The following DOK6 variants were observed in gnomAD, a reference collection of about 807,000 sequenced individuals.
DOK6 encodes downstream of tyrosine kinase 6.
A neutral mutation model predicts 44.0 loss-of-function variants in DOK6; 22 were observed. The observed-to-expected ratio is 0.50, with a 90% CI of 0.36 to 0.71. The LOEUF (loss-of-function observed/expected upper bound fraction) is 0.71, where lower values mean the gene tolerates loss of function less well. Ranked by LOEUF, DOK6 falls within the 30% of genes least tolerant of loss-of-function variation. The pLI, the probability that DOK6 is intolerant of heterozygous loss-of-function variation, is 0.00. For synonymous variants in DOK6, 166 were observed against 145.5 expected (o/e 1.14, Z -1.01); for missense variants, 340 against 416.4 (o/e 0.82, Z 1.60).
intron 2 of DOK6, among the ~76,000 whole-genome samples, chr18:69,580,613 A>G (rs1404938622): frequency 6.6e-6 from 1 of 152,332 alleles, no homozygotes. Context: ...ACATGTGTAC[A>G]AAGTATAATG....
chr18:69,634,922 C>T (rs1379923502), intron 3 of DOK6, among the ~76,000 whole-genome samples: 1 of 152,104 alleles, frequency 6.6e-6, no homozygotes, highest in Non-Finnish European at 1.5e-5. Flanking sequence ...TAAACTCTTT[C>T]GACCTATGTG....
At chr18:69,700,541 A>AT (rs1451914952) in intron 5 of DOK6, among the ~76,000 whole-genome samples, 1 of 151,848 alleles carries the variant, frequency 6.6e-6, no homozygotes, top group Non-Finnish European at 1.5e-5. Flanking sequence ...TTTGGTATCT[A>AT]TTTTTTTCCC....
intron 2 of DOK6, among the ~76,000 whole-genome samples, chr18:69,594,105 G>A (rs148416288): frequency 5.3e-5 from 8 of 151,818 alleles, no homozygotes; most frequent in East Asian, 1.9e-4. Flanking sequence ...AATACAACCC[G>A]TGAATCACTC....
At chr18:69,658,897 A>G (rs1336600535) in intron 3 of DOK6, among the ~76,000 whole-genome samples, 2 of 152,192 alleles carry the variant, frequency 1.3e-5, no homozygotes, top group African/African-American at 4.8e-5. Flanking sequence ...TAATAATTAA[A>G]CACAATCCCT....
intron 1 of DOK6, among the ~76,000 whole-genome samples, chr18:69,417,628 A>G (rs1596222): frequency 0.054 from 8,149 of 152,194 alleles, 254 homozygotes; most frequent in Middle Eastern, 0.12. Flanking sequence ...CAAATTTTGA[A>G]GAACCTCCAT....
intron 5 of DOK6, among the ~76,000 whole-genome samples, chr18:69,725,979 G>T (rs1272361639): frequency 6.6e-6 from 1 of 152,098 alleles, no homozygotes; most frequent in African/African-American, 2.4e-5. Context: ...CTCGCTGGTG[G>T]TTACTCCTGT....
chr18:69,709,239 C>T (rs1366575174), intron 5 of DOK6, among the ~76,000 whole-genome samples: 3 of 152,060 alleles, frequency 2.0e-5, no homozygotes, highest in Admixed American at 6.5e-5. Flanking sequence ...ACTTGTGAGG[C>T]TTGAAATCTA....
chr18:69,490,204 AC>A (rs1428333278), intron 1 of DOK6, among the ~76,000 whole-genome samples: 1 of 152,040 alleles, frequency 6.6e-6, no homozygotes, highest in African/African-American at 2.4e-5. Flanking sequence ...ATTGATTCTG[AC>A]TTCTTCTCAG....
chr18:69,616,287 T>G (rs1184985113), intron 3 of DOK6, among the ~76,000 whole-genome samples: 1 of 152,272 alleles, frequency 6.6e-6, no homozygotes, highest in African/African-American at 2.4e-5. Flanking sequence ...CTGCTCTGCG[T>G]CGGTGTCCGT....
Position 69,546,694 on chromosome 18 carries a change from T to A in DOK6, c.67-17793T>A, listed in dbSNP as rs1431700134. Among the ~76,000 whole-genome samples the A allele has an allele frequency of 1.3e-5, 2 of 151,578 alleles. 1 individual carries two copies. Among genetic ancestry groups the A allele is most frequent in the Non-Finnish European group, 3.0e-5 (2 of 67,768 alleles). On this transcript the variant is annotated intron_variant, in intron 1 of 7. Transcript: ENST00000382713. The stretch of plus-strand genomic sequence containing the variant: ...TTTTATTGGTACATAATATTTTGCA[T>A]ATTCTTGGGGTACCTGTGATATTTT...
rs370176954 is a variant in DOK6, at chr18:69,784,373, C to T, written c.856+26500C>T. On this transcript the variant is annotated intron_variant, in intron 7 of 7. Transcript: ENST00000382713. ...ACTTATCTTTAATTAAATTGTTAGC[C>T]TTGCCCTAGACAAAACATCATGGTT... Among the ~76,000 whole-genome samples the T allele has an allele frequency of 6.6e-5, 10 of 151,696 alleles. No individual in the cohort carries two copies. The East Asian group carries it at 9.7e-4, about 15-fold the overall frequency.
chr18:69,523,084 T>A (rs931264449), intron 1 of DOK6, among the ~76,000 whole-genome samples: 15 of 152,034 alleles, frequency 9.9e-5, no homozygotes, highest in Non-Finnish European at 1.8e-4. Flanking sequence ...CAGGGGAACT[T>A]TGGTGTTATC....
At chr18:69,668,392 T>A (rs1047068176) in intron 3 of DOK6, among the ~76,000 whole-genome samples, 1 of 152,222 alleles carries the variant, frequency 6.6e-6, no homozygotes, top group African/African-American at 2.4e-5. Flanking sequence ...ATGTCTTTTG[T>A]CACTTCTTTC....
rs1201653771 is a variant in DOK6 at position 69,465,464 on chromosome 18, A to G, written c.66+64154A>G. Reference sequence around the variant, plus strand: ...AAAGCTATCCCTCCCCGCTCCCCCCACCCCACAACAGTCCCCAGAGTGTGA... The same window carrying G: ...AAAGCTATCCCTCCCCGCTCCCCCCGCCCCACAACAGTCCCCAGAGTGTGA... On this transcript the variant is annotated intron_variant, in intron 1 of 7. Coordinates refer to ENST00000382713, the MANE Select transcript of DOK6 (RefSeq NM_152721.6). 1.5e-5 allele frequency among the ~76,000 whole-genome samples: 2 copies of G among 137,154 alleles called. 1 individual carries two copies. 90.0% of individuals were successfully genotyped at this position (137,154 alleles called of 152,430 possible). A position where few individuals can be genotyped will look rare whatever the true frequency, so the allele number is the denominator to read the frequency against.
intron 7 of DOK6, among the ~76,000 whole-genome samples, chr18:69,835,017 T>A (rs1599351756): frequency 6.6e-6 from 1 of 152,008 alleles, no homozygotes; most frequent in African/African-American, 2.4e-5. Context: ...AACCATTAGA[T>A]CTCGTGAGAA....
At chr18:69,764,247 C>T (rs769245064) in intron 7 of DOK6, among the ~76,000 whole-genome samples, 1 of 152,042 alleles carries the variant, frequency 6.6e-6, no homozygotes, top group Non-Finnish European at 1.5e-5. Flanking sequence ...ATGGTGAGAA[C>T]GAGGGCCAAG....
intron 7 of DOK6, among the ~76,000 whole-genome samples, chr18:69,786,096 A>C (rs1255636437): frequency 1.3e-5 from 2 of 152,180 alleles, no homozygotes; most frequent in African/African-American, 4.8e-5. Flanking sequence ...TCTTATGAGG[A>C]AGGGGAAAAA....
chr18:69,684,953 C>T (rs567641742), intron 4 of DOK6, among the ~76,000 whole-genome samples: 2 of 152,136 alleles, frequency 1.3e-5, no homozygotes, highest in African/African-American at 4.8e-5. Context: ...TATTGGCATA[C>T]AGGCGCATAC....
intron 1 of DOK6, among the ~76,000 whole-genome samples, chr18:69,546,674 T>C (rs2144585005): frequency 6.6e-6 from 1 of 151,780 alleles, no homozygotes; most frequent in South Asian, 2.1e-4. Context: ...TGCTTTTTTA[T>C]TGGTACATAA....
Sources: gnomAD v4.1 joint callset for allele counts (sites outside exome capture counted in the v4.1 genomes callset) on GRCh38, gnomAD v4.1.1 for gene constraint, MANE v1.5 for transcripts, NCBI Gene and HGNC (gene_info 2026-07-23, HGNC 2026-07-21) for gene names.